Variants in SLCO4A1 observed in about 807,000 individuals in gnomAD.
SLCO4A1 encodes the protein colon organic anion transporter.
Under a neutral mutation model 64.6 loss-of-function variants are expected in SLCO4A1, and 51 were observed. The ratio of observed to expected loss-of-function variants is 0.79; its 90% CI spans 0.63 to 1.00. The LOEUF (loss-of-function observed/expected upper bound fraction) is 1.00. Ranked by LOEUF, SLCO4A1 falls within the 50% of genes least tolerant of loss-of-function variation. SLCO4A1 has a pLI of 0.00. For synonymous variants in SLCO4A1, 471 were observed against 444.9 expected, an observed-to-expected ratio of 1.06 and a Z score of -0.74; for missense variants, 919 against 980.5, an observed-to-expected ratio of 0.94 and a Z score of 0.84.
At chr20:62,673,117 C>A (rs532577106), downstream of SLCO4A1, among the ~76,000 whole-genome samples, 1 of 142,512 alleles carries the variant, frequency 7.0e-6, no homozygotes, top group South Asian at 2.2e-4. Context: ...CTCACCAGGA[C>A]GCTTGTGTGG....
At chr20:62,667,522 G>T (rs1034839279) in intron 7 of SLCO4A1, 88 of 584,294 alleles carry the variant, frequency 1.5e-4, no homozygotes, top group Non-Finnish European at 2.2e-4. Flanking sequence ...GTGCTGGGGG[G>T]CATGGGTGTG....
chr20:62,686,353 C>T (rs932890984), downstream of SLCO4A1, among the ~76,000 whole-genome samples: 1 of 152,228 alleles, frequency 6.6e-6, no homozygotes, highest in Non-Finnish European at 1.5e-5. Context: ...AACCGCAGAG[C>T]GGCGTGGAGC....
Position 62,645,186 on chromosome 20 carries a change from C to T in SLCO4A1, c.-97+2633C>T, listed in dbSNP as rs544281483. Among the ~76,000 whole-genome samples, 44 of 152,266 alleles carry T rather than the reference C, an allele frequency of 2.9e-4. No individual in the cohort carries two copies. The highest frequency in any genetic ancestry group is 1.2e-3 in the Admixed American group (18 of 15,300). The stretch of plus-strand genomic sequence containing the variant: ...TCTTGCCCACTTGTTGGAATGGGCA[C>T]GTGGGGATTGCACCCCTTGAACAGG... On this transcript the variant is annotated intron_variant, in intron 1 of 11. Coordinates refer to ENST00000217159, the MANE Select transcript of SLCO4A1 (RefSeq NM_016354.4). The surrounding 1 kb of genome is among the most constrained non-coding windows in gnomAD (Gnocchi z 4.2).
intron 10 of SLCO4A1, 134 bp downstream of exon 10, chr20:62,668,675 C>A (rs1332860273): frequency 8.8e-6 from 8 of 907,768 alleles, no homozygotes; most frequent in Non-Finnish European, 1.4e-5. Context: ...GGGGTCCATT[C>A]CCTAACTGTC....
Position 62,660,427 on chromosome 20 carries a change from C to A in SLCO4A1, c.903C>A (p.Thr301=), listed in dbSNP as rs375255303. 6.3e-7 allele frequency: 1 copy of A among 1,599,672 alleles called. No individual in the cohort carries two copies. Among genetic ancestry groups the A allele is most frequent in the East Asian group, 2.2e-5 (1 of 44,864 alleles). The change falls in exon 4 of 12, where the codon ACC becomes ACA. Residue 301 remains threonine, a synonymous_variant. Coordinates refer to ENST00000217159, the MANE Select transcript of SLCO4A1 (RefSeq NM_016354.4). ...TCTTCCACAGGACGGAGCTGACCACCGAGAGCCCACTGTGGGTCGGCGCCT... is the reference window on the plus strand; with the variant it reads ...TCTTCCACAGGACGGAGCTGACCACAGAGAGCCCACTGTGGGTCGGCGCCT... The part of the protein sequence containing the change: ...TEMGRRTELT[T]ESPLWVGAWW...
downstream of SLCO4A1, among the ~76,000 whole-genome samples, chr20:62,672,836 C>T (rs1251658087): frequency 6.6e-6 from 1 of 152,100 alleles, no homozygotes; most frequent in Non-Finnish European, 1.5e-5. Context: ...TGGCCAAACC[C>T]TTCCCACTCG....
intron 1 of SLCO4A1, among the ~76,000 whole-genome samples, chr20:62,642,840 C>T (rs1980617706): frequency 2.6e-5 from 4 of 152,260 alleles, no homozygotes; most frequent in African/African-American, 9.6e-5. Context: ...CACGCTGCAG[C>T]GGGTGCCGGG....
At chr20:62,667,645 C>T (rs905138469) in intron 7 of SLCO4A1, 100 bp from the exon 8 acceptor site, 60 of 1,402,988 alleles carry the variant, frequency 4.3e-5, no homozygotes, top group Non-Finnish European at 5.4e-5. Context: ...ACCCGAAATG[C>T]AGGCTGCATG....
At chr20:62,684,912 C>T (rs963845974) in intron 2 of SLCO4A1, among the ~76,000 whole-genome samples, 6 of 152,128 alleles carry the variant, frequency 3.9e-5, no homozygotes, top group Non-Finnish European at 7.3e-5. Flanking sequence ...AGCTGGGCAA[C>T]GAGAGCTGCG....
At chr20:62,679,417 A>G (rs1987732017) in intron 2 of SLCO4A1, among the ~76,000 whole-genome samples, 1 of 151,332 alleles carries the variant, frequency 6.6e-6, no homozygotes, top group Non-Finnish European at 1.5e-5. Flanking sequence ...CTTGGAGTGC[A>G]GTGGTACAAT....
At chr20:62,660,880 C>T (rs1984656558) in intron 4 of SLCO4A1, among the ~76,000 whole-genome samples, 184 bp from the exon 5 acceptor site, 1 of 152,104 alleles carries the variant, frequency 6.6e-6, no homozygotes, top group Non-Finnish European at 1.5e-5. Flanking sequence ...CCGGCTTGTG[C>T]TGCATTCTCA....
intron 5 of SLCO4A1, chr20:62,663,225 C>T (rs1413434341): frequency 6.6e-6 from 1 of 152,224 alleles, no homozygotes; most frequent in East Asian, 1.9e-4. Flanking sequence ...GGCTCAGAGG[C>T]TAACTAGGGC....
intron 5 of SLCO4A1, among the ~76,000 whole-genome samples, chr20:62,664,539 G>T (rs1464027466): frequency 2.6e-5 from 4 of 152,148 alleles, no homozygotes; most frequent in Non-Finnish European, 5.9e-5. Flanking sequence ...GGTCACTTGG[G>T]GTCTCTCCCC....
In SLCO4A1 at chr20:62,656,663, G is replaced by A. The variant is rs34419428; in HGVS notation, c.209G>A (p.Arg70Gln). Residue 70 changes from arginine (R) to glutamine (Q), a missense_variant, in exon 2 of 12, where the codon CGG becomes CAG. Transcript: ENST00000217159. ...CQLWAEKHGA[R>Q]GTHEVRYVSA... ...CTCTGGGCCGAGAAGCATGGCGCCC[G>A]GGGGACCCATGAGGTGCGGTACGTC... 0.046 allele frequency: 73,322 copies of A among 1,604,300 alleles called. 1,918 individuals carry two copies. Among genetic ancestry groups the A allele is most frequent in the Non-Finnish European group, 0.051 (60,329 of 1,175,972 alleles).
intron 11 of SLCO4A1, among the ~76,000 whole-genome samples, chr20:62,670,676 A>G (rs952125036): frequency 3.3e-5 from 5 of 152,144 alleles, no homozygotes; most frequent in African/African-American, 9.7e-5. Flanking sequence ...CTTAGCTGGG[A>G]GCAGCAGGCT....
At chr20:62,685,914 A>G (rs1988044412), downstream of SLCO4A1, 1 of 152,020 alleles carries the variant, frequency 6.6e-6, no homozygotes, top group African/African-American at 2.4e-5. The surrounding 1 kb of genome is among the most constrained non-coding windows in gnomAD (Gnocchi z 4.6). Context: ...AGGCGCCCCC[A>G]CAGCCTCGGT....
chr20:62,688,086 T>C (rs1022350359), downstream of SLCO4A1, among the ~76,000 whole-genome samples: 4 of 151,454 alleles, frequency 2.6e-5, no homozygotes, highest in African/African-American at 4.8e-5. Context: ...ACCAACTTCA[T>C]TGCCTTCCAG....
At chr20:62,654,205 C>T (rs978030850) in intron 1 of SLCO4A1, among the ~76,000 whole-genome samples, 3 of 152,222 alleles carry the variant, frequency 2.0e-5, no homozygotes, top group African/African-American at 7.2e-5. Flanking sequence ...TCTCTGTCTG[C>T]AGGTGGCCTT....
At chr20:62,658,193 C>T (rs1350256760) in intron 2 of SLCO4A1, among the ~76,000 whole-genome samples, 1 of 152,270 alleles carries the variant, frequency 6.6e-6, no homozygotes, top group African/African-American at 2.4e-5. Context: ...CTGCTCATCC[C>T]AGTCACCTGG....
Sources: allele counts gnomAD v4.1 joint callset (sites outside exome capture counted in the v4.1 genomes callset), GRCh38; gene constraint gnomAD v4.1.1; non-coding constraint Gnocchi (gnomAD v3.1); transcripts MANE v1.5; gene names NCBI Gene and HGNC (gene_info 2026-07-23, HGNC 2026-07-21).